BAK1: variants seen among roughly 807,000 people sequenced by gnomAD.
BAK1 encodes the protein BCL2 antagonist/killer 1.
In BAK1, 19 loss-of-function variants were observed where a neutral mutation model predicts 24.7. That is an observed-to-expected ratio of 0.77 (90% CI 0.54 to 1.13). BAK1 has a LOEUF of 1.13. BAK1 is among the 50% of genes most tolerant of loss of function. The pLI, the probability that BAK1 is intolerant of heterozygous loss-of-function variation, is 0.00. For synonymous variants in BAK1, 86 were observed against 107.3 expected (o/e 0.80, Z 1.23); for missense variants, 194 against 279.4 (o/e 0.69, Z 2.18).
In BAK1 at chr6:33,577,966, GGTGA is replaced by G. The variant is rs1453543249; in HGVS notation, c.-31-335_-31-332del. 6.6e-6 allele frequency among the ~76,000 whole-genome samples: 1 copy of G among 152,228 alleles called. No individual in the cohort carries two copies. Among genetic ancestry groups the G allele is most frequent in the Non-Finnish European group, 1.5e-5 (1 of 68,042 alleles). ...CTCTTTGAGGGAGACAGGGTAAGAA[GGTGA>G]GGCAGCCAAGGGCAGACTGAGGTAT... On this transcript the variant is annotated intron_variant, in intron 1 of 5. Transcript: ENST00000374467. This position sits in a 1 kb window ranked among gnomAD's most constrained non-coding sequence, Gnocchi z 4.6.
At chr6:33,573,946 G>A in intron 5 of BAK1, 39 bp from the exon 6 acceptor site, 2 of 1,613,836 alleles carry the variant, frequency 1.2e-6, no homozygotes, top group Non-Finnish European at 1.7e-6. Flanking sequence ...GAGGCTAGCA[G>A]AAGATATAGG....
In BAK1 at chr6:33,577,125, A is replaced by T. The variant is rs535394860; in HGVS notation, c.70+410T>A. Among the ~76,000 whole-genome samples the T allele has an allele frequency of 2.6e-5, 4 of 152,250 alleles. No homozygotes were observed. The South Asian group carries it at 8.3e-4, about 32-fold the overall frequency. On this transcript the variant is annotated intron_variant, in intron 2 of 5. Transcript: ENST00000374467. The surrounding 1 kb of genome is among the most constrained non-coding windows in gnomAD (Gnocchi z 4.6). ...AAGAGGGAAGGAGGGCAGCCATCTT[A>T]CTTCCTCCCCAAGTCACAATAATTG...
chr6:33,577,417 T>A lies in BAK1; in HGVS notation c.70+118A>T. The stretch of plus-strand genomic sequence containing the variant: ...CTCTGAGCCCGTGGGTGGGGAAGAG[T>A]ATTCCCCACCCACAGTGGGTGAACC... On this transcript the variant is annotated intron_variant, in intron 2 of 5. Transcript: ENST00000374467. The surrounding 1 kb of genome is among the most constrained non-coding windows in gnomAD (Gnocchi z 4.6). 1.0e-6 allele frequency: 1 copy of A among 991,204 alleles called. No individual in the cohort carries two copies. The highest frequency in any genetic ancestry group is 1.9e-5 in the South Asian group (1 of 51,404). 61.4% of individuals were successfully genotyped at this position (991,204 alleles called of 1,614,324 possible). A position where few individuals can be genotyped will look rare whatever the true frequency, so the allele number is the denominator to read the frequency against.
intron 4 of BAK1, 74 bp from the exon 5 acceptor site, chr6:33,574,288 C>G: frequency 6.4e-7 from 1 of 1,551,058 alleles, no homozygotes; most frequent in Non-Finnish European, 8.8e-7. Context: ...CCTCTCCCAC[C>G]CCTCTCCCAG....
intron 1 of BAK1, among the ~76,000 whole-genome samples, chr6:33,579,472 C>T (rs5745577): frequency 0.036 from 5,503 of 152,246 alleles, 105 homozygotes; most frequent in Middle Eastern, 0.065. Context: ...AGGATGCTGA[C>T]TGCACCTCCA....
At position 33,577,652 on chromosome 6, in the gene BAK1, G is replaced by C; in HGVS notation, c.-31-17C>G. The C allele has an allele frequency of 3.3e-6, 5 of 1,496,970 alleles. No individual in the cohort carries two copies. Among genetic ancestry groups the C allele is most frequent in the Non-Finnish European group, 4.5e-6 (5 of 1,103,970 alleles). 92.7% of individuals were successfully genotyped at this position (1,496,970 alleles called of 1,614,324 possible). ...GGGATCAGCCTGCGGGGAAGGGCGA[G>C]AAAAAGCAGAGATGGGGGTGAGCAC... On this transcript the variant is annotated splice_polypyrimidine_tract_variant and intron_variant, in intron 1 of 5. Coordinates refer to ENST00000374467, the MANE Select transcript of BAK1 (RefSeq NM_001188.4). This position sits in a 1 kb window ranked among gnomAD's most constrained non-coding sequence, Gnocchi z 4.6.
At position 33,572,775 on chromosome 6, in the gene BAK1, AC is replaced by A. The variant is rs1241333545; in HGVS notation, c.*1027del. On this transcript the variant is annotated 3_prime_UTR_variant, in exon 6 of 6. Coordinates refer to ENST00000374467, the MANE Select transcript of BAK1 (RefSeq NM_001188.4). ...GTGGGGGAACAGAGTTCAAGTATTCACAGTTCCCCCATCTACACCCCTGGAT... is the reference window on the plus strand; with the variant it reads ...GTGGGGGAACAGAGTTCAAGTATTCAAGTTCCCCCATCTACACCCCTGGAT... The A allele has an allele frequency of 1.3e-5, 2 of 151,602 alleles. No homozygotes were observed. Among genetic ancestry groups the A allele is most frequent in the East Asian group, 3.8e-4 (2 of 5,208 alleles). 9.4% of individuals were successfully genotyped at this position (151,602 alleles called of 1,614,324 possible).
At position 33,575,516 on chromosome 6, in the gene BAK1, G is replaced by T; in HGVS notation, c.207-75C>A. 1.9e-6 allele frequency: 3 copies of T among 1,583,700 alleles called. No homozygotes were observed. The highest frequency in any genetic ancestry group is 1.1e-5 in the South Asian group (1 of 89,964). On this transcript the variant is annotated intron_variant, in intron 3 of 5. Coordinates refer to ENST00000374467, the MANE Select transcript of BAK1 (RefSeq NM_001188.4). This position sits in a 1 kb window ranked among gnomAD's most constrained non-coding sequence, Gnocchi z 6.3. Reference sequence around the variant, plus strand: ...CCAGGCCCTGGCTCATGGCAGAGGGGTTCTGCCTGAGCTGTCCATGGCCCT... The same window carrying T: ...CCAGGCCCTGGCTCATGGCAGAGGGTTTCTGCCTGAGCTGTCCATGGCCCT...
Position 33,580,214 on chromosome 6 carries a change from T to C in BAK1, c.-221A>G, listed in dbSNP as rs1762914117. 6.6e-6 allele frequency: 1 copy of C among 152,072 alleles called. No homozygotes were observed. The highest frequency in any genetic ancestry group is 1.5e-5 in the Non-Finnish European group (1 of 68,004). 9.4% of individuals were successfully genotyped at this position (152,072 alleles called of 1,614,324 possible). A position where few individuals can be genotyped will look rare whatever the true frequency, so the allele number is the denominator to read the frequency against. The stretch of plus-strand genomic sequence containing the variant: ...GCCCGAGGGACCCGCGAGACTCCAG[T>C]GATCATAGAGGTGCCAGCGGCACCC... On this transcript the variant is annotated 5_prime_UTR_variant, in exon 1 of 6. Transcript: ENST00000374467.
rs57880933 is a variant in BAK1 at position 33,577,240 on chromosome 6, C to CT, written c.70+294dup. 6.9e-3 allele frequency among the ~76,000 whole-genome samples: 1,053 copies of CT among 152,310 alleles called. 19 individuals are homozygous for CT. The highest frequency in any genetic ancestry group is 0.022 in the African/African-American group (907 of 41,564). ...AGGGATACAGCAGCCAGGCCCCACT[C>CT]TAATTCCTGCCTCCCTCGCCCGTGA... is the stretch of plus-strand genomic sequence containing the variant. On this transcript the variant is annotated intron_variant, in intron 2 of 5. Coordinates refer to ENST00000374467, the MANE Select transcript of BAK1 (RefSeq NM_001188.4). The surrounding 1 kb of genome is among the most constrained non-coding windows in gnomAD (Gnocchi z 4.6).
rs539253032 is a variant in BAK1, at chr6:33,574,048, G to A, written c.517C>T (p.Gln173Ter). 1 of 1,614,124 alleles carries A rather than the reference G, an allele frequency of 6.2e-7. No individual in the cohort carries two copies. The highest frequency in any genetic ancestry group is 8.5e-7 in the Non-Finnish European group (1 of 1,179,974). The change falls in exon 5 of 6, where the codon CAG becomes TAG. Residue 173 changes from glutamine to a stop codon, truncating the protein, a stop_gained. Coordinates refer to ENST00000374467, the MANE Select transcript of BAK1 (RefSeq NM_001188.4). LOFTEE classifies it low-confidence loss of function (END_TRUNC). ...LHHCIARWIA[Q>*]RGGWVAALNL... ...TGGATACTCACCCAGCCACCCCTCT[G>A]TGCAATCCACCGGGCAATGCAGTGA...
Position 33,577,152 on chromosome 6 carries a change from G to A in BAK1, c.70+383C>T, listed in dbSNP as rs56740052. Among the ~76,000 whole-genome samples, 1,042 of 152,232 alleles carry A rather than the reference G, an allele frequency of 6.8e-3. 17 individuals are homozygous for A. Among genetic ancestry groups the A allele is most frequent in the African/African-American group, 0.022 (896 of 41,538 alleles). ...TTCCTCCCCAAGTCACAATAATTGC[G>A]TTCCCTGTTGAGCAGACCTGACTGG... On this transcript the variant is annotated intron_variant, in intron 2 of 5. Transcript: ENST00000374467. This position sits in a 1 kb window ranked among gnomAD's most constrained non-coding sequence, Gnocchi z 4.6.
rs748982597 is a variant in BAK1, at chr6:33,574,155, C to T, written c.410G>A (p.Arg137His). ...RVVALLGFGY[R>H]LALHVYQHGL... is the part of the protein sequence containing the mutation. ...ATGCTGGTAGACGTGTAGGGCCAGA[C>T]GGTAGCCGAAGCCCAGAAGAGCCAC... The change falls in exon 5 of 6, where the codon CGT (arginine) becomes CAT (histidine). Residue 137 changes from arginine (R) to histidine (H), a missense_variant. By Grantham distance (29) the Arg-to-His change is conservative. Coordinates refer to ENST00000374467, the MANE Select transcript of BAK1 (RefSeq NM_001188.4). 62 of 1,613,742 alleles carry T rather than the reference C, an allele frequency of 3.8e-5. No individual in the cohort carries two copies. Among genetic ancestry groups the T allele is most frequent in the African/African-American group, 1.2e-4 (9 of 74,804 alleles).
chr6:33,578,909 G>A lies in BAK1; in HGVS notation c.-32+1116C>T, dbSNP rs980464071. ...CACCGCCCAGGGCCTGGGGACCTTC[G>A]CCCACCCTCCTTCCGCTAGGCCTGG... is the stretch of plus-strand genomic sequence containing the variant. On this transcript the variant is annotated intron_variant, in intron 1 of 5. Coordinates refer to ENST00000374467, the MANE Select transcript of BAK1 (RefSeq NM_001188.4). The surrounding 1 kb of genome is among the most constrained non-coding windows in gnomAD (Gnocchi z 4.8). Among the ~76,000 whole-genome samples the A allele has an allele frequency of 5.9e-5, 9 of 151,938 alleles. No homozygotes were observed. Among genetic ancestry groups the A allele is most frequent in the African/African-American group, 9.7e-5 (4 of 41,352 alleles).
At position 33,578,852 on chromosome 6, in the gene BAK1, C is replaced by A. The variant is rs1422105218; in HGVS notation, c.-32+1173G>T. On this transcript the variant is annotated intron_variant, in intron 1 of 5. Coordinates refer to ENST00000374467, the MANE Select transcript of BAK1 (RefSeq NM_001188.4). This position sits in a 1 kb window ranked among gnomAD's most constrained non-coding sequence, Gnocchi z 4.8. ...ATCCCAGAGGGAGGGGGTGTGCAGCCCCACCCTGGGCCAAGCACACAGCCC... is the reference window on the plus strand; with the variant it reads ...ATCCCAGAGGGAGGGGGTGTGCAGCACCACCCTGGGCCAAGCACACAGCCC... Among the ~76,000 whole-genome samples the A allele has an allele frequency of 6.6e-6, 1 of 152,156 alleles. No homozygotes were observed. Among genetic ancestry groups the A allele is most frequent in the Non-Finnish European group, 1.5e-5 (1 of 68,022 alleles).
rs1051913 is a variant in BAK1 at position 33,575,405 on chromosome 6, G to T, written c.243C>A (p.Ile81=). Residue 81 remains isoleucine, a synonymous_variant, in exon 4 of 6, where the codon ATC becomes ATA. Coordinates refer to ENST00000374467, the MANE Select transcript of BAK1 (RefSeq NM_001188.4). This position sits in a 1 kb window ranked among gnomAD's most constrained non-coding sequence, Gnocchi z 6.3. The stretch of plus-strand genomic sequence containing the variant: ...CATAGCGTCGGTTGATGTCGTCCCC[G>T]ATGATGGCGAGCTGCCGTCCCACCT... ...MGQVGRQLAI[I]GDDINRRYDS... 6.2e-7 allele frequency: 1 copy of T among 1,614,012 alleles called. No homozygotes were observed.
At chr6:33,576,214 C>A (rs188742322) in intron 2 of BAK1, among the ~76,000 whole-genome samples, 2 of 151,488 alleles carry the variant, frequency 1.3e-5, no homozygotes, top group African/African-American at 4.8e-5. Context: ...TGTAATCCCA[C>A]CTACTCAAGA....
rs1034399559 is a variant in BAK1 at position 33,580,104 on chromosome 6, A to T, written c.-111T>A. On this transcript the variant is annotated 5_prime_UTR_variant, in exon 1 of 6. Coordinates refer to ENST00000374467, the MANE Select transcript of BAK1 (RefSeq NM_001188.4). ...CGAGGGGCTGGCGGCTGCTGCTCCC[A>T]GGGGCTGAGTGGGAGCCCAGTTTCC... 3.2e-4 allele frequency: 48 copies of T among 152,312 alleles called. No individual in the cohort carries two copies. The highest frequency in any genetic ancestry group is 1.1e-3 in the African/African-American group (45 of 41,434). 9.4% of individuals were successfully genotyped at this position (152,312 alleles called of 1,614,324 possible).
Position 33,575,388 on chromosome 6 carries a change from C to T in BAK1, c.260G>A (p.Arg87Gln), listed in dbSNP as rs1181539037. The change falls in exon 4 of 6, where the codon CGA (arginine) becomes CAA (glutamine). Residue 87 changes from arginine (R) to glutamine (Q), a missense_variant. Physicochemically the swap from Arg to Gln is conservative, Grantham distance 43 (BLOSUM62 1). Coordinates refer to ENST00000374467, the MANE Select transcript of BAK1 (RefSeq NM_001188.4). This position sits in a 1 kb window ranked among gnomAD's most constrained non-coding sequence, Gnocchi z 6.3. ...GGTCTGGAACTCTGAGTCATAGCGTCGGTTGATGTCGTCCCCGATGATGGC... is the reference window on the plus strand; with the variant it reads ...GGTCTGGAACTCTGAGTCATAGCGTTGGTTGATGTCGTCCCCGATGATGGC... ...QLAIIGDDIN[R>Q]RYDSEFQTML... 10 of 1,614,188 alleles carry T rather than the reference C, an allele frequency of 6.2e-6. No homozygotes were observed. The African/African-American group carries it at 6.7e-5, about 11-fold the overall frequency.
Sources: gnomAD v4.1 joint callset for allele counts (sites outside exome capture counted in the v4.1 genomes callset) on GRCh38, gnomAD v4.1.1 for gene constraint, Gnocchi (gnomAD v3.1) non-coding constraint, MANE v1.5 for transcripts, NCBI Gene and HGNC (gene_info 2026-07-23, HGNC 2026-07-21) for gene names.